GRM7: variants seen among roughly 807,000 people sequenced by gnomAD.
GRM7 encodes the protein metabotropic glutamate receptor 7.
Under a neutral mutation model 84.5 loss-of-function variants are expected in GRM7, and 35 were observed. The ratio of observed to expected loss-of-function variants is 0.41; its 90% CI spans 0.32 to 0.55. The LOEUF is 0.55. Among genes scored for constraint, GRM7 ranks in the 20% least tolerant of loss-of-function variants. The pLI is 0.19. For missense variants in GRM7, 1,003 were observed against 1,194.6 expected (o/e 0.84, Z 2.36); for synonymous variants, 487 against 455.1 (o/e 1.07, Z -0.89).
chr3:6,895,242 G>A (rs183533262), intron 1 of GRM7, among the ~76,000 whole-genome samples: 26 of 152,200 alleles, frequency 1.7e-4, no homozygotes, highest in Middle Eastern at 3.4e-3. Flanking sequence ...CAAAAGTGTC[G>A]CCTCAGTGGA....
chr3:7,512,703 CA>C (rs1700252917), intron 7 of GRM7, among the ~76,000 whole-genome samples: 1 of 150,854 alleles, frequency 6.6e-6, no homozygotes, highest in African/African-American at 2.4e-5. Context: ...CATTTTATCT[CA>C]AAAAGCCCTT....
intron 4 of GRM7, among the ~76,000 whole-genome samples, 168 bp from the exon 5 acceptor site, chr3:7,414,855 T>C (rs1285889750): frequency 1.3e-5 from 2 of 152,148 alleles, no homozygotes; most frequent in African/African-American, 2.4e-5. Context: ...CATGGATTAA[T>C]GCAATTAGAA....
At chr3:7,300,118 T>C (rs974363045) in intron 3 of GRM7, among the ~76,000 whole-genome samples, 3 of 152,178 alleles carry the variant, frequency 2.0e-5, no homozygotes, top group Admixed American at 6.5e-5. Context: ...CTTCCATTGA[T>C]GTGAAAGAGC....
chr3:7,526,268 T>G (rs1224417929), intron 7 of GRM7, among the ~76,000 whole-genome samples: 1 of 152,184 alleles, frequency 6.6e-6, no homozygotes, highest in Non-Finnish European at 1.5e-5. Flanking sequence ...ATAGTGGTTT[T>G]GATTAGTGTC....
intron 2 of GRM7, among the ~76,000 whole-genome samples, chr3:7,278,770 A>G (rs1699159495): frequency 6.6e-6 from 1 of 152,184 alleles, no homozygotes; most frequent in Non-Finnish European, 1.5e-5. Context: ...AACAACATTA[A>G]AAGACCTGAG....
chr3:7,490,189 A>T (rs1355405634), intron 7 of GRM7, among the ~76,000 whole-genome samples: 1 of 152,106 alleles, frequency 6.6e-6, no homozygotes, highest in African/African-American at 2.4e-5. Flanking sequence ...ATACAAATTT[A>T]TTATTTTTCT....
At chr3:7,435,875 T>G (rs1697033678) in intron 5 of GRM7, among the ~76,000 whole-genome samples, 2 of 101,256 alleles carry the variant, frequency 2.0e-5, no homozygotes, top group African/African-American at 3.7e-5. Flanking sequence ...TTTTTTTTTT[T>G]GTATTTTTAG....
chr3:6,976,788 C>T (rs1001431475), intron 1 of GRM7, among the ~76,000 whole-genome samples: 2 of 152,156 alleles, frequency 1.3e-5, no homozygotes, highest in African/African-American at 4.8e-5. Flanking sequence ...CTACCATCTG[C>T]ACTGCCAAAT....
intron 1 of GRM7, among the ~76,000 whole-genome samples, chr3:7,024,127 C>A (rs2124916785): frequency 6.6e-6 from 1 of 152,262 alleles, no homozygotes; most frequent in Non-Finnish European, 1.5e-5. Flanking sequence ...ATCTTACCTC[C>A]CCCCTTGTTT....
intron 2 of GRM7, among the ~76,000 whole-genome samples, chr3:7,158,403 G>T (rs1247082624): frequency 6.6e-6 from 1 of 152,064 alleles, no homozygotes; most frequent in African/African-American, 2.4e-5. Context: ...TACTCAAGCG[G>T]TGTCCTCTGC....
chr3:7,111,476 T>A (rs1252295492), intron 1 of GRM7, among the ~76,000 whole-genome samples: 5 of 152,070 alleles, frequency 3.3e-5, no homozygotes, highest in Admixed American at 3.3e-4. Flanking sequence ...TGATTCAAAT[T>A]ATAAAGAGGC....
At chr3:6,979,274 C>T (rs781386) in intron 1 of GRM7, among the ~76,000 whole-genome samples, 111,702 of 152,038 alleles carry the variant, frequency 0.73, 41,104 homozygotes, top group Middle Eastern at 0.85. Flanking sequence ...TCTCAAGCCA[C>T]GCTACATTCA....
intron 4 of GRM7, among the ~76,000 whole-genome samples, chr3:7,310,682 G>A (rs1700359564): frequency 6.6e-6 from 1 of 152,168 alleles, no homozygotes; most frequent in African/African-American, 2.4e-5. Context: ...CTGTACTCCT[G>A]CTATTTGTGG....
intron 8 of GRM7, among the ~76,000 whole-genome samples, chr3:7,581,661 A>G (rs1054766584): frequency 6.6e-6 from 1 of 152,190 alleles, no homozygotes; most frequent in African/African-American, 2.4e-5. Flanking sequence ...ATTTTTGTTT[A>G]GCTCTAACAA....
chr3:7,064,479 T>TATACACACAC, intron 1 of GRM7, among the ~76,000 whole-genome samples: 1 of 99,382 alleles, frequency 1.0e-5, no homozygotes, highest in African/African-American at 3.9e-5. Context: ...TATATATATA[T>TATACACACAC]ACACACATAT....
intron 8 of GRM7, chr3:7,607,180 C>T (rs375562668): frequency 6.6e-6 from 1 of 152,056 alleles, no homozygotes; most frequent in African/African-American, 2.4e-5. Flanking sequence ...TTTCTGAGGC[C>T]AGAAATAACT....
At chr3:7,574,224 A>G (rs906880640) in intron 7 of GRM7, among the ~76,000 whole-genome samples, 2 of 151,356 alleles carry the variant, frequency 1.3e-5, no homozygotes, top group African/African-American at 4.9e-5. Flanking sequence ...CAGAGGCACA[A>G]TAATGGCTCA....
At chr3:7,719,286 T>G (rs1410248600) in intron 9 of GRM7, among the ~76,000 whole-genome samples, 2 of 152,182 alleles carry the variant, frequency 1.3e-5, no homozygotes, top group Non-Finnish European at 2.9e-5. Context: ...CCAAACTCAA[T>G]AATCTAGAGA....
chr3:7,278,881 C>G (rs947450037), intron 2 of GRM7, among the ~76,000 whole-genome samples: 1 of 152,118 alleles, frequency 6.6e-6, no homozygotes, highest in African/African-American at 2.4e-5. Flanking sequence ...CAAACACAAT[C>G]ATCATTTAGC....
Sources: gnomAD v4.1 joint callset for allele counts (sites outside exome capture counted in the v4.1 genomes callset) on GRCh38, gnomAD v4.1.1 for gene constraint, MANE v1.5 for transcripts, NCBI Gene and HGNC (gene_info 2026-07-23, HGNC 2026-07-21) for gene names.